CTNND2: variants seen among roughly 807,000 people sequenced by gnomAD.
The protein encoded by CTNND2 is catenin delta 2, also known as catenin delta-2.
A neutral mutation model predicts 144.4 loss-of-function variants in CTNND2; 22 were observed. The ratio of observed to expected loss-of-function variants is 0.15; its 90% CI spans 0.11 to 0.22. CTNND2 has a LOEUF of 0.22. CTNND2 is among the 10% of genes least tolerant of loss of function. The probability of loss-of-function intolerance (pLI) is 1.00; values close to 1 mark genes in which losing one functional copy is unlikely to be tolerated. For synonymous variants in CTNND2, 751 were observed against 695.6 expected (o/e 1.08, Z -1.25); for missense variants, 1,353 against 1,618.8 (o/e 0.84, Z 2.82).
chr5:11,796,142 A>G (rs1162013876), intron 1 of CTNND2, among the ~76,000 whole-genome samples: 1 of 152,186 alleles, frequency 6.6e-6, no homozygotes, highest in African/African-American at 2.4e-5. Context: ...ACGTGATTCT[A>G]TGTGGCCCGA....
chr5:11,054,800 G>C (rs1307188791), intron 16 of CTNND2, among the ~76,000 whole-genome samples: 2 of 152,118 alleles, frequency 1.3e-5, no homozygotes, highest in Non-Finnish European at 2.9e-5. Flanking sequence ...TTCTCACAAA[G>C]AGCTTCTGCC....
At chr5:11,606,036 T>C (rs113266120) in intron 2 of CTNND2, among the ~76,000 whole-genome samples, 2,286 of 152,230 alleles carry the variant, frequency 0.015, 62 homozygotes, top group African/African-American at 0.049. Flanking sequence ...CAGTACTGTA[T>C]GTCAGAAGAG....
intron 1 of CTNND2, among the ~76,000 whole-genome samples, chr5:11,777,601 T>C (rs1387808682): frequency 6.6e-6 from 1 of 152,090 alleles, no homozygotes; most frequent in Non-Finnish European, 1.5e-5. Flanking sequence ...CAGCATAAAA[T>C]TTGGGAAATG....
intron 3 of CTNND2, among the ~76,000 whole-genome samples, chr5:11,467,688 A>C (rs1766808904): frequency 6.6e-6 from 1 of 152,180 alleles, no homozygotes; most frequent in South Asian, 2.1e-4. Flanking sequence ...TACTTAGAGA[A>C]ATTTTAATGT....
Position 11,903,698 on chromosome 5 carries a change from A to C in CTNND2, c.37+119T>G. 9.2e-7 allele frequency: 1 copy of C among 1,082,106 alleles called. No individual in the cohort carries two copies. The highest frequency in any genetic ancestry group is 2.0e-5 in the South Asian group (1 of 51,228). 67.0% of individuals were successfully genotyped at this position (1,082,106 alleles called of 1,614,324 possible). On this transcript the variant is annotated intron_variant, in intron 1 of 21. Coordinates refer to ENST00000304623, the MANE Select transcript of CTNND2 (RefSeq NM_001332.4). The surrounding 1 kb of genome is among the most constrained non-coding windows in gnomAD (Gnocchi z 5.4). ...CCGAGGCAGGCAGAAACCCCGCAGCAGCCGCCGCCGCCGCCTGCCGGCCGG... is the reference window on the plus strand; with the variant it reads ...CCGAGGCAGGCAGAAACCCCGCAGCCGCCGCCGCCGCCGCCTGCCGGCCGG...
intron 16 of CTNND2, among the ~76,000 whole-genome samples, chr5:11,028,557 C>G (rs1743102763): frequency 6.6e-6 from 1 of 152,096 alleles, no homozygotes. Flanking sequence ...CCCTGGAAAC[C>G]CCCATTCTAC....
rs1029878822 is a variant in CTNND2 at position 11,544,890 on chromosome 5, G to A, written c.287+20054C>T. On this transcript the variant is annotated intron_variant, in intron 3 of 21. Coordinates refer to ENST00000304623, the MANE Select transcript of CTNND2 (RefSeq NM_001332.4). ...TCCCAGCACTTTGGGAGGCGGAGGC[G>A]GGCAGATCATGAGGTCAGGAGTTCA... Among the ~76,000 whole-genome samples, 11 of 151,710 alleles carry A rather than the reference G, an allele frequency of 7.3e-5. No homozygotes were observed. The East Asian group carries it at 1.2e-3, about 16-fold the overall frequency.
intron 5 of CTNND2, among the ~76,000 whole-genome samples, chr5:11,409,802 A>T (rs1237150318): frequency 6.6e-6 from 1 of 152,096 alleles, no homozygotes; most frequent in Non-Finnish European, 1.5e-5. Flanking sequence ...AAATGTTATG[A>T]ATAACTCATA....
In CTNND2 at chr5:11,904,015, C is replaced by CGCCGCGGGCGAGA. The variant is rs1199946096; in HGVS notation, c.-175_-163dup. The CGCCGCGGGCGAGA allele has an allele frequency of 6.5e-6, 5 of 772,086 alleles. No individual in the cohort carries two copies. The highest frequency in any genetic ancestry group is 8.6e-6 in the Non-Finnish European group (5 of 580,424). 47.8% of individuals were successfully genotyped at this position (772,086 alleles called of 1,614,324 possible). A position where few individuals can be genotyped will look rare whatever the true frequency, so the allele number is the denominator to read the frequency against. On this transcript the variant is annotated 5_prime_UTR_variant, in exon 1 of 22. Coordinates refer to ENST00000304623, the MANE Select transcript of CTNND2 (RefSeq NM_001332.4). This position sits in a 1 kb window ranked among gnomAD's most constrained non-coding sequence, Gnocchi z 4.2. Reference sequence around the variant, plus strand: ...GATGCTGGCGGGCGGCAGGGGCGAGCGCCGCGGGCGAGAGGCGGCTCCCGA... The same window carrying CGCCGCGGGCGAGA: ...GATGCTGGCGGGCGGCAGGGGCGAGCGCCGCGGGCGAGAGCCGCGGGCGAGAGGCGGCTCCCGA...
chr5:11,018,316 G>A (rs991953445), intron 17 of CTNND2, among the ~76,000 whole-genome samples: 3 of 151,960 alleles, frequency 2.0e-5, no homozygotes, highest in Non-Finnish European at 2.9e-5. Flanking sequence ...CTCTCCTCAG[G>A]CCTCCCTCTT....
intron 11 of CTNND2, among the ~76,000 whole-genome samples, chr5:11,197,450 G>C (rs1736978414): frequency 1.3e-5 from 2 of 152,242 alleles, no homozygotes; most frequent in Admixed American, 1.3e-4. Flanking sequence ...AGTGGGTCAA[G>C]ACATGACAGT....
intron 9 of CTNND2, among the ~76,000 whole-genome samples, chr5:11,317,712 G>T (rs1375088437): frequency 6.6e-6 from 1 of 151,902 alleles, no homozygotes; most frequent in Non-Finnish European, 1.5e-5. Flanking sequence ...ATTGATATAG[G>T]TAATGCAGTC....
intron 2 of CTNND2, among the ~76,000 whole-genome samples, chr5:11,727,520 T>A (rs1787088825): frequency 6.6e-6 from 1 of 150,900 alleles, no homozygotes; most frequent in East Asian, 1.9e-4. Flanking sequence ...AAATGCATGC[T>A]TTTTTTTTCA....
intron 3 of CTNND2, among the ~76,000 whole-genome samples, chr5:11,502,959 T>A (rs1770682899): frequency 6.6e-6 from 1 of 151,928 alleles, no homozygotes; most frequent in African/African-American, 2.4e-5. Context: ...CAAATAGGAG[T>A]TCTAATGAAA....
chr5:11,577,298 T>TA (rs1490658699), intron 2 of CTNND2, among the ~76,000 whole-genome samples: 1 of 152,250 alleles, frequency 6.6e-6, no homozygotes, highest in African/African-American at 2.4e-5. Flanking sequence ...TCAGGGAAGA[T>TA]ACGAGCATAA....
chr5:11,756,633 T>A (rs1390089162), intron 1 of CTNND2, among the ~76,000 whole-genome samples: 1 of 61,778 alleles, frequency 1.6e-5, no homozygotes, highest in Non-Finnish European at 3.2e-5. Flanking sequence ...CAAATCGATA[T>A]ACACACACAT....
chr5:11,852,141 T>C (rs1442043553), intron 1 of CTNND2, among the ~76,000 whole-genome samples: 1 of 152,084 alleles, frequency 6.6e-6, no homozygotes, highest in East Asian at 1.9e-4. Flanking sequence ...ATCTGATATT[T>C]CCCAGCACCC....
intron 1 of CTNND2, among the ~76,000 whole-genome samples, chr5:11,741,594 A>T (rs1020418575): frequency 6.6e-6 from 1 of 152,016 alleles, no homozygotes; most frequent in African/African-American, 2.4e-5. Flanking sequence ...GGGGAGAGAT[A>T]GCATTAGGAG....
intron 3 of CTNND2, among the ~76,000 whole-genome samples, chr5:11,414,091 C>T (rs950595637): frequency 2.6e-5 from 4 of 151,912 alleles, no homozygotes; most frequent in Non-Finnish European, 5.9e-5. Flanking sequence ...AGAAGAGAGA[C>T]AAAAATGGAG....
Sources: allele counts gnomAD v4.1 joint callset (sites outside exome capture counted in the v4.1 genomes callset), GRCh38; gene constraint gnomAD v4.1.1; non-coding constraint Gnocchi (gnomAD v3.1); transcripts MANE v1.5; gene names NCBI Gene and HGNC (gene_info 2026-07-23, HGNC 2026-07-21).